The following PAFAH1B2 variants were observed in gnomAD, a reference collection of about 807,000 sequenced individuals.
PAFAH1B2 encodes platelet-activating factor acetylhydrolase IB subunit alpha2.
A neutral mutation model predicts 28.0 loss-of-function variants in PAFAH1B2; 8 were observed. That is an observed-to-expected ratio of 0.29 (90% CI 0.17 to 0.52). PAFAH1B2 has a LOEUF of 0.52. Ranked by LOEUF, PAFAH1B2 falls within the 20% of genes least tolerant of loss-of-function variation. The pLI is 0.97. For synonymous variants in PAFAH1B2, 104 were observed against 103.2 expected (o/e 1.01, Z -0.05); for missense variants, 190 against 282.6 (o/e 0.67, Z 2.35).
At chr11:117,156,461 C>T (rs1317760855) in intron 2 of PAFAH1B2, among the ~76,000 whole-genome samples, 2 of 152,000 alleles carry the variant, frequency 1.3e-5, no homozygotes, top group Non-Finnish European at 2.9e-5. Context: ...TGGCCCCAGA[C>T]ATATAGTGCC....
Position 117,170,670 on chromosome 11 carries a change from T to A in PAFAH1B2, c.*2971T>A, listed in dbSNP as rs889518978. ...AAAGTCCAACTTACTTTATTTTATT[T>A]TTTTAACCTAGTCACTGTTTACAAT... On this transcript the variant is annotated 3_prime_UTR_variant, in exon 6 of 6. Coordinates refer to ENST00000527958, the MANE Select transcript of PAFAH1B2 (RefSeq NM_002572.4). 1 of 1,061,922 alleles carries A rather than the reference T, an allele frequency of 9.4e-7. No individual in the cohort carries two copies. Among genetic ancestry groups the A allele is most frequent in the Non-Finnish European group, 1.1e-6 (1 of 877,142 alleles). 65.8% of individuals were successfully genotyped at this position (1,061,922 alleles called of 1,614,324 possible).
At chr11:117,153,012 GC>G (rs1274359685) in intron 2 of PAFAH1B2, among the ~76,000 whole-genome samples, 1 of 152,180 alleles carries the variant, frequency 6.6e-6, no homozygotes, top group Non-Finnish European at 1.5e-5. Context: ...GTTGCAGTGA[GC>G]CGAGATTGTG....
chr11:117,150,125 A>C (rs1248991462), intron 1 of PAFAH1B2, among the ~76,000 whole-genome samples: 2 of 152,180 alleles, frequency 1.3e-5, no homozygotes, highest in Non-Finnish European at 2.9e-5. Context: ...AAAGTATAGA[A>C]TGTTTTACTG....
At position 117,168,769 on chromosome 11, in the gene PAFAH1B2, AT is replaced by A. The variant is rs1203670802; in HGVS notation, c.*1078del. On this transcript the variant is annotated 3_prime_UTR_variant, in exon 6 of 6. Transcript: ENST00000527958. The stretch of plus-strand genomic sequence containing the variant: ...TATAATATCTTAAGGTGTATATTTT[AT>A]TTTTTTTATTGGCTTAGTTGTTTTT... The A allele has an allele frequency of 3.4e-5, 34 of 1,006,400 alleles. No individual in the cohort carries two copies. The highest frequency in any genetic ancestry group is 1.7e-4 in the East Asian group (3 of 18,102). 62.3% of individuals were successfully genotyped at this position (1,006,400 alleles called of 1,614,324 possible). A position where few individuals can be genotyped will look rare whatever the true frequency, so the allele number is the denominator to read the frequency against.
chr11:117,147,476 G>A (rs1434338195), intron 1 of PAFAH1B2, among the ~76,000 whole-genome samples: 1 of 152,100 alleles, frequency 6.6e-6, no homozygotes, highest in Non-Finnish European at 1.5e-5. Context: ...GGGATTACAG[G>A]CATGAGACAC....
chr11:117,160,050 T>C, intron 3 of PAFAH1B2, 27 bp downstream of exon 3: 2 of 1,466,508 alleles, frequency 1.4e-6, no homozygotes, highest in Non-Finnish European at 1.9e-6. Context: ...TGAGCGTGGT[T>C]CTTGGCTACT....
intron 4 of PAFAH1B2, among the ~76,000 whole-genome samples, chr11:117,162,547 T>G (rs2134202649): frequency 6.7e-6 from 1 of 150,284 alleles, no homozygotes; most frequent in African/African-American, 2.5e-5. Flanking sequence ...CGCAGATCAC[T>G]TGAGGCTAGG....
exon 6 of PAFAH1B2, chr11:117,176,229 AC>A: frequency 4.4e-6 from 2 of 450,236 alleles, no homozygotes; most frequent in South Asian, 8.1e-5. Flanking sequence ...TAATTGGTGA[AC>A]CCTTTGGAAA....
intron 1 of PAFAH1B2, among the ~76,000 whole-genome samples, chr11:117,150,256 T>C (rs773354440): frequency 9.9e-5 from 15 of 152,200 alleles, no homozygotes; most frequent in Middle Eastern, 3.2e-3. Context: ...CCAGCGATTC[T>C]CCTGCCCCAG....
intron 1 of PAFAH1B2, among the ~76,000 whole-genome samples, chr11:117,149,604 T>G (rs1956101243): frequency 1.3e-5 from 2 of 150,652 alleles, no homozygotes; most frequent in African/African-American, 4.9e-5. Flanking sequence ...TTTTTTTTTT[T>G]TGTATTTTTA....
At chr11:117,176,239 A>T in exon 6 of PAFAH1B2, 1 of 440,914 alleles carries the variant, frequency 2.3e-6, no homozygotes, top group Non-Finnish European at 4.0e-6. Flanking sequence ...ACCCTTTGGA[A>T]AAGGGGTGCA....
chr11:117,160,002 G>A lies in PAFAH1B2; in HGVS notation c.150G>A (p.Val50=). 1 of 1,612,844 alleles carries A rather than the reference G, an allele frequency of 6.2e-7. No homozygotes were observed. Among genetic ancestry groups the A allele is most frequent in the Non-Finnish European group, 8.5e-7 (1 of 1,178,832 alleles). ...PDVLFVGDSM[V]QLMQQYEIWR... ...TACTGTTCGTGGGAGACTCCATGGT[G>A]CAGTTAATGCAGCAATATGAGGTAA... The change falls in exon 3 of 6, where the codon GTG becomes GTA. Residue 50 remains valine (V), a synonymous_variant. Coordinates refer to ENST00000527958, the MANE Select transcript of PAFAH1B2 (RefSeq NM_002572.4).
At chr11:117,176,353 A>G (rs2029984415) in exon 6 of PAFAH1B2, 1 of 260,338 alleles carries the variant, frequency 3.8e-6, no homozygotes, top group South Asian at 1.5e-4. Context: ...AGTACCTGGC[A>G]CATCGTGGAT....
intron 1 of PAFAH1B2, among the ~76,000 whole-genome samples, chr11:117,144,747 C>T (rs553558018): frequency 2.6e-5 from 4 of 151,926 alleles, no homozygotes; most frequent in African/African-American, 9.7e-5. Flanking sequence ...CGCCCCGCCC[C>T]GCCCTGCCCT....
At chr11:117,146,670 G>A (rs1469371294) in intron 1 of PAFAH1B2, among the ~76,000 whole-genome samples, 1 of 152,034 alleles carries the variant, frequency 6.6e-6, no homozygotes, top group Non-Finnish European at 1.5e-5. Context: ...TCCAGCTAAC[G>A]ACTGACTGAG....
intron 2 of PAFAH1B2, among the ~76,000 whole-genome samples, chr11:117,158,394 T>C (rs1020755961): frequency 6.6e-6 from 1 of 152,004 alleles, no homozygotes; most frequent in African/African-American, 2.4e-5. Context: ...AGAGGCACTC[T>C]GGGCGGAGAT....
chr11:117,166,443 T>C (rs1348540443), intron 5 of PAFAH1B2, among the ~76,000 whole-genome samples: 1 of 152,234 alleles, frequency 6.6e-6, no homozygotes, highest in Non-Finnish European at 1.5e-5. Flanking sequence ...ACTAAAACTT[T>C]GGAAATAACC....
At chr11:117,167,165 T>A (rs1009338137) in intron 5 of PAFAH1B2, among the ~76,000 whole-genome samples, 1 of 150,340 alleles carries the variant, frequency 6.7e-6, no homozygotes, top group Non-Finnish European at 1.5e-5. Flanking sequence ...GAGATCTGGC[T>A]AAAGTATTTA....
intron 2 of PAFAH1B2, among the ~76,000 whole-genome samples, chr11:117,154,619 T>A (rs570445830): frequency 6.6e-6 from 1 of 152,234 alleles, no homozygotes; most frequent in East Asian, 1.9e-4. Flanking sequence ...TTTATTATTT[T>A]TTGTGGAGAT....
Sources: gnomAD v4.1 joint callset for allele counts (sites outside exome capture counted in the v4.1 genomes callset) on GRCh38, gnomAD v4.1.1 for gene constraint, MANE v1.5 for transcripts, NCBI Gene and HGNC (gene_info 2026-07-23, HGNC 2026-07-21) for gene names.